Variants in DMP1 observed in about 807,000 individuals in gnomAD.
DMP1 encodes the protein dentin matrix protein 1.
Under a neutral mutation model 14.6 loss-of-function variants are expected in DMP1, and 20 were observed. That is an observed-to-expected ratio of 1.37 (90% confidence interval 0.96 to 1.99). The LOEUF (loss-of-function observed/expected upper bound fraction) is 1.99, where lower values mean the gene tolerates loss of function less well. Among genes scored for constraint, DMP1 ranks in the 30% most tolerant of loss-of-function variants. DMP1 has a pLI of 0.00. For missense variants in DMP1, 567 were observed against 620.5 expected (o/e 0.91, Z 0.92); for synonymous variants, 197 against 215.3 (o/e 0.91, Z 0.75).
intron 5 of DMP1, among the ~76,000 whole-genome samples, chr4:87,661,451 T>C (rs1433817273): frequency 6.6e-6 from 1 of 151,794 alleles, no homozygotes; most frequent in Non-Finnish European, 1.5e-5. Flanking sequence ...CTCGATCTCC[T>C]GACCTCGTGA....
chr4:87,657,312 A>G, intron 3 of DMP1: 1 of 354,106 alleles, frequency 2.8e-6, no homozygotes, highest in South Asian at 4.4e-5. Flanking sequence ...GTATAATAGT[A>G]CCAGGGGATG....
chr4:87,661,550 G>A (rs572707470), intron 5 of DMP1, among the ~76,000 whole-genome samples: 34 of 151,818 alleles, frequency 2.2e-4, no homozygotes, highest in Non-Finnish European at 2.9e-4. Flanking sequence ...TAGTAGAGAC[G>A]AGGTTTCACC....
At position 87,653,412 on chromosome 4, in the gene DMP1, T is replaced by TATATATATATAC. The variant is rs1578150535; in HGVS notation, c.-22+3039_-22+3040insCATATATATATA. On this transcript the variant is annotated intron_variant, in intron 1 of 5. Transcript: ENST00000339673. The stretch of plus-strand genomic sequence containing the variant: ...ATATATATATATATATATATATATA[T>TATATATATATAC]ATATATATATATATATATATACTTT... Among the ~76,000 whole-genome samples the TATATATATATAC allele has an allele frequency of 2.6e-5, 3 of 117,050 alleles. No homozygotes were observed. The East Asian group carries it at 6.7e-4, about 26-fold the overall frequency. 76.8% of individuals were successfully genotyped at this position (117,050 alleles called of 152,430 possible).
In DMP1 at chr4:87,663,031, G is replaced by A. The variant is rs1346018047; in HGVS notation, c.1253G>A (p.Ser418Asn). 1 of 1,614,062 alleles carries A rather than the reference G, an allele frequency of 6.2e-7. No homozygotes were observed. Among genetic ancestry groups the A allele is most frequent in the Non-Finnish European group, 8.5e-7 (1 of 1,180,022 alleles). ...SSESLNFSEESPESPEDENSS... is the reference protein window; with the variant it reads ...SSESLNFSEENPESPEDENSS... ...GAGAGCCTCAACTTCTCAGAGGAAA[G>A]CCCGGAGTCCCCTGAGGATGAGAAC... Residue 418 changes from serine to asparagine, a missense_variant, in exon 6 of 6, where the codon AGC becomes AAC. Coordinates refer to ENST00000339673, the MANE Select transcript of DMP1 (RefSeq NM_004407.4).
chr4:87,655,188 A>C (rs1578151375), intron 1 of DMP1, among the ~76,000 whole-genome samples: 1 of 152,218 alleles, frequency 6.6e-6, no homozygotes, highest in East Asian at 1.9e-4. Context: ...TTGCAGGATT[A>C]TTTGTGAAAT....
chr4:87,651,814 T>A (rs1728536940), intron 1 of DMP1, among the ~76,000 whole-genome samples: 2 of 152,166 alleles, frequency 1.3e-5, no homozygotes, highest in Non-Finnish European at 1.5e-5. Context: ...CAAATTAATA[T>A]GATGAATTGT....
intron 1 of DMP1, among the ~76,000 whole-genome samples, chr4:87,653,753 T>C (rs148674103): frequency 7.4e-4 from 112 of 152,176 alleles, no homozygotes; most frequent in African/African-American, 2.3e-3. Context: ...GTAATATATA[T>C]TTAGGGTTGA....
rs1295627176 is a variant in DMP1, at chr4:87,662,589, T to G, written c.811T>G (p.Ser271Ala). The change falls in exon 6 of 6, where the codon TCT becomes GCT. Residue 271 changes from serine to alanine, a missense_variant. Coordinates refer to ENST00000339673, the MANE Select transcript of DMP1 (RefSeq NM_004407.4). ...EHPSRKIFRK[S>A]RISEEDDRSE... is the part of the protein sequence containing the mutation. ...TCCCAGTAGGAAAATTTTTAGGAAGTCTCGCATCTCAGAGGAAGATGACAG... is the reference window on the plus strand; with the variant it reads ...TCCCAGTAGGAAAATTTTTAGGAAGGCTCGCATCTCAGAGGAAGATGACAG... The G allele has an allele frequency of 1.9e-6, 3 of 1,613,988 alleles. No homozygotes were observed. The highest frequency in any genetic ancestry group is 2.2e-5 in the South Asian group (2 of 91,078).
At chr4:87,658,373 G>C (rs182635053) in intron 3 of DMP1, among the ~76,000 whole-genome samples, 6 of 152,318 alleles carry the variant, frequency 3.9e-5, no homozygotes, top group African/African-American at 1.4e-4. Context: ...TGATGGGGAG[G>C]GGTACCAGAA....
rs1433892279 is a variant in DMP1, at chr4:87,662,473, T to C, written c.695T>C (p.Met232Thr). Residue 232 changes from methionine to threonine, a missense_variant, in exon 6 of 6, where the codon ATG (methionine) becomes ACG (threonine). Met to Thr is a moderately conservative substitution (Grantham distance 81). Coordinates refer to ENST00000339673, the MANE Select transcript of DMP1 (RefSeq NM_004407.4). ...SIRSERGNSRMNSAGMKSKES... is the reference protein window; with the variant it reads ...SIRSERGNSRTNSAGMKSKES... ...AGGAGTGAAAGGGGAAACTCCAGAA[T>C]GAACAGTGCAGGCATGAAATCAAAA... 1 of 1,614,106 alleles carries C rather than the reference T, an allele frequency of 6.2e-7. No individual in the cohort carries two copies. The highest frequency in any genetic ancestry group is 1.7e-5 in the Admixed American group (1 of 60,018).
At chr4:87,658,306 T>C (rs1286123442) in intron 3 of DMP1, among the ~76,000 whole-genome samples, 1 of 152,196 alleles carries the variant, frequency 6.6e-6, no homozygotes, top group Non-Finnish European at 1.5e-5. Flanking sequence ...CTGCTCTACT[T>C]TGCGCCTTGG....
At position 87,664,229 on chromosome 4, in the gene DMP1, A is replaced by T. The variant is rs1021373256; in HGVS notation, c.*909A>T. The T allele has an allele frequency of 6.6e-6, 1 of 152,610 alleles. No individual in the cohort carries two copies. Among genetic ancestry groups the T allele is most frequent in the African/African-American group, 2.4e-5 (1 of 41,448 alleles). 9.5% of individuals were successfully genotyped at this position (152,610 alleles called of 1,614,324 possible). A position where few individuals can be genotyped will look rare whatever the true frequency, so the allele number is the denominator to read the frequency against. On this transcript the variant is annotated 3_prime_UTR_variant, in exon 6 of 6. Coordinates refer to ENST00000339673, the MANE Select transcript of DMP1 (RefSeq NM_004407.4). The stretch of plus-strand genomic sequence containing the variant: ...AGTTTGCGTGCAATGCTAGAAAAAA[A>T]CTGTTCTCTGAGTCCTTTACAGAGC...
chr4:87,658,037 C>T (rs1399747182), intron 3 of DMP1, among the ~76,000 whole-genome samples: 1 of 152,154 alleles, frequency 6.6e-6, no homozygotes, highest in Non-Finnish European at 1.5e-5. Flanking sequence ...CACTCTAGAT[C>T]CTCTCTCTCA....
intron 1 of DMP1, among the ~76,000 whole-genome samples, chr4:87,655,038 A>G (rs1433902001): frequency 1.3e-5 from 2 of 152,148 alleles, no homozygotes; most frequent in Non-Finnish European, 2.9e-5. Context: ...ACAAAATGGG[A>G]GGCAGGTTTG....
chr4:87,659,260 T>A lies in DMP1; in HGVS notation c.135+8T>A. On this transcript the variant is annotated splice_region_variant and intron_variant, in intron 4 of 5. Transcript: ENST00000339673. Reference sequence around the variant, plus strand: ...GCACCAACACCACCCTTGGTAACTATCTCATTTACTTTTGTCATAAACATC... The same window carrying A: ...GCACCAACACCACCCTTGGTAACTAACTCATTTACTTTTGTCATAAACATC... The A allele has an allele frequency of 6.2e-7, 1 of 1,614,068 alleles. No homozygotes were observed. Among genetic ancestry groups the A allele is most frequent in the Non-Finnish European group, 8.5e-7 (1 of 1,179,932 alleles).
rs75475509 is a variant in DMP1, at chr4:87,661,955, A to G, written c.184-7A>G. 6 of 1,614,118 alleles carry G rather than the reference A, an allele frequency of 3.7e-6. No homozygotes were observed. The South Asian group carries it at 6.6e-5, about 18-fold the overall frequency. ...TACTGACCATATCTGTTAACCCCAAATTCTAGGCAAATGAAGACCCCAGTG... is the reference window on the plus strand; with the variant it reads ...TACTGACCATATCTGTTAACCCCAAGTTCTAGGCAAATGAAGACCCCAGTG... On this transcript the variant is annotated splice_region_variant and splice_polypyrimidine_tract_variant and intron_variant, in intron 5 of 5. Transcript: ENST00000339673.
In DMP1 at chr4:87,662,657, T is replaced by C. The variant is rs150896376; in HGVS notation, c.879T>C (p.Ser293=). The C allele has an allele frequency of 3.7e-3, 5,973 of 1,613,070 alleles. 18 individuals are homozygous for C. Among genetic ancestry groups the C allele is most frequent in the Non-Finnish European group, 4.7e-3 (5,532 of 1,179,772 alleles). ...DDNNTMEEVK[S]DSTENSNSRD... ...ACAACACAATGGAAGAAGTCAAGAGTGACTCTACAGAAAACAGCAACTCCA... is the reference window on the plus strand; with the variant it reads ...ACAACACAATGGAAGAAGTCAAGAGCGACTCTACAGAAAACAGCAACTCCA... The change falls in exon 6 of 6, where the codon AGT becomes AGC. Residue 293 remains serine, a synonymous_variant. Coordinates refer to ENST00000339673, the MANE Select transcript of DMP1 (RefSeq NM_004407.4).
chr4:87,653,448 T>C (rs543864164), intron 1 of DMP1, among the ~76,000 whole-genome samples: 1 of 122,344 alleles, frequency 8.2e-6, no homozygotes, highest in East Asian at 2.4e-4. Flanking sequence ...TTTTTTGAGA[T>C]AGGGTCTTGC....
rs1334071683 is a variant in DMP1 at position 87,656,460 on chromosome 4, C to G, written c.-21-12C>G. 1.4e-6 allele frequency: 2 copies of G among 1,460,288 alleles called. No individual in the cohort carries two copies. Among genetic ancestry groups the G allele is most frequent in the Non-Finnish European group, 1.9e-6 (2 of 1,039,968 alleles). The allele number at this position is 1,460,288 out of a possible 1,614,324, so 90.5% of individuals were successfully genotyped here. A position where few individuals can be genotyped will look rare whatever the true frequency, so the allele number is the denominator to read the frequency against. On this transcript the variant is annotated splice_polypyrimidine_tract_variant and intron_variant, in intron 1 of 5. Transcript: ENST00000339673. ...TTAACATGGAGAGAAACATCTATGT[C>G]CTTCATTCCAGGTAGAGGTATCACA...
Sources: gnomAD v4.1 joint callset for allele counts (sites outside exome capture counted in the v4.1 genomes callset) on GRCh38, gnomAD v4.1.1 for gene constraint, MANE v1.5 for transcripts, NCBI Gene and HGNC (gene_info 2026-07-23, HGNC 2026-07-21) for gene names.